ERC1: variants seen among roughly 807,000 people sequenced by gnomAD.
ERC1 encodes RAB6 interacting protein 2.
ERC1 carries 56 observed loss-of-function variants against 132.0 expected under a neutral mutation model. That is an observed-to-expected ratio of 0.42 (90% CI 0.34 to 0.53). The LOEUF (loss-of-function observed/expected upper bound fraction) is 0.53, where lower values mean the gene tolerates loss of function less well. Among genes scored for constraint, ERC1 ranks in the 20% least tolerant of loss-of-function variants. ERC1 has a pLI of 0.03. For synonymous variants in ERC1, 478 were observed against 476.1 expected (o/e 1.00, Z -0.05); for missense variants, 1,202 against 1,349.9 (o/e 0.89, Z 1.72).
chr12:1,440,667 TGA>T (rs1265099110), intron 17 of ERC1, among the ~76,000 whole-genome samples: 40 of 101,798 alleles, frequency 3.9e-4, no homozygotes, highest in African/African-American at 1.4e-3. Context: ...TGTGTGTGTG[TGA>T]TGGAGTCTCA....
rs147778317 is a variant in ERC1, at chr12:1,329,494, C to T, written c.2780+39482C>T. 4.0e-3 allele frequency among the ~76,000 whole-genome samples: 601 copies of T among 151,326 alleles called. 2 individuals carry two copies. The highest frequency in any genetic ancestry group is 0.014 in the African/African-American group (562 of 40,722). On this transcript the variant is annotated intron_variant, in intron 15 of 18. Coordinates refer to ENST00000360905, the MANE Select transcript of ERC1 (RefSeq NM_178040.4). The stretch of plus-strand genomic sequence containing the variant: ...ACAACAATAATAATATATTGTTTTA[C>T]GTTTTCCATGTATATATTCTGAAAG...
intron 1 of ERC1, among the ~76,000 whole-genome samples, chr12:1,000,892 GTATT>G (rs1246005188): frequency 2.0e-5 from 3 of 152,042 alleles, no homozygotes; most frequent in Non-Finnish European, 4.4e-5. Context: ...CATTATTTGT[GTATT>G]TATTTATTTT....
chr12:1,421,042 ATG>A (rs1379907030), intron 17 of ERC1, among the ~76,000 whole-genome samples: 1 of 151,982 alleles, frequency 6.6e-6, no homozygotes, highest in South Asian at 2.1e-4. Flanking sequence ...ATTTTGATAA[ATG>A]TGTATAATGT....
intron 2 of ERC1, among the ~76,000 whole-genome samples, chr12:1,078,975 A>G (rs74863008): frequency 1.9e-4 from 28 of 151,324 alleles, no homozygotes; most frequent in Admixed American, 8.5e-4. Flanking sequence ...TCAATATACA[A>G]AGATACAGAT....
intron 15 of ERC1, among the ~76,000 whole-genome samples, chr12:1,322,039 C>T (rs1008580836): frequency 1.3e-5 from 2 of 151,626 alleles, no homozygotes; most frequent in Admixed American, 6.6e-5. Context: ...CTAATCAAGG[C>T]ATCCTCTGTG....
intron 15 of ERC1, among the ~76,000 whole-genome samples, chr12:1,293,410 G>A (rs1384177011): frequency 8.1e-6 from 1 of 123,436 alleles, no homozygotes; most frequent in Non-Finnish European, 1.8e-5. Flanking sequence ...CTGAGATCGT[G>A]CCACTGCACT....
Position 1,443,228 on chromosome 12 carries a change from CA to C in ERC1, c.3025-1330del, listed in dbSNP as rs1241902244. 3.3e-5 allele frequency: 5 copies of C among 152,066 alleles called. No individual in the cohort carries two copies. The East Asian group carries it at 7.7e-4, about 23-fold the overall frequency. The allele number at this position is 152,066 out of a possible 1,614,324, so 9.4% of individuals were successfully genotyped here. Reference sequence around the variant, plus strand: ...AATTACTTCTTGATGGAAGTGTATGCAAAAGTCTTATTTCCTTTATATTTTT... The same window carrying C: ...AATTACTTCTTGATGGAAGTGTATGCAAAGTCTTATTTCCTTTATATTTTT... On this transcript the variant is annotated intron_variant, in intron 17 of 18. Transcript: ENST00000360905.
intron 12 of ERC1, among the ~76,000 whole-genome samples, chr12:1,205,794 G>C (rs185544115): frequency 9.9e-5 from 15 of 152,178 alleles, no homozygotes; most frequent in African/African-American, 3.6e-4. Flanking sequence ...TTTGCCTTGT[G>C]TTTAGAGAAC....
chr12:1,188,129 AC>A (rs1212596747), intron 11 of ERC1, among the ~76,000 whole-genome samples: 1 of 152,182 alleles, frequency 6.6e-6, no homozygotes, highest in African/African-American at 2.4e-5. Flanking sequence ...GCTGGCCTTC[AC>A]TTTTGTTTAC....
chr12:1,243,243 A>G (rs1275290002), intron 13 of ERC1, among the ~76,000 whole-genome samples: 1 of 152,124 alleles, frequency 6.6e-6, no homozygotes, highest in Non-Finnish European at 1.5e-5. Flanking sequence ...GATTTAAAAT[A>G]TATGCGAAGA....
chr12:1,100,471 A>T (rs1388024484), intron 3 of ERC1, among the ~76,000 whole-genome samples: 1 of 152,142 alleles, frequency 6.6e-6, no homozygotes. Flanking sequence ...CTCTATTGTG[A>T]ATGGTGAGAT....
chr12:1,028,165 A>G lies in ERC1; in HGVS notation c.262A>G (p.Thr88Ala). 2.5e-6 allele frequency: 4 copies of G among 1,614,174 alleles called. No homozygotes were observed. Among genetic ancestry groups the G allele is most frequent in the Non-Finnish European group, 3.4e-6 (4 of 1,180,036 alleles). ...TGTGGGTTCAGAAACACCTAAAAGCACCATGACACTTGGCCGTTCTGGGGG... is the reference window on the plus strand; with the variant it reads ...TGTGGGTTCAGAAACACCTAAAAGCGCCATGACACTTGGCCGTTCTGGGGG... ...ENVGSETPKS[T>A]MTLGRSGGRL... Residue 88 changes from threonine (T) to alanine (A), a missense_variant, in exon 2 of 19, where the codon ACC becomes GCC. Physicochemically the swap from Thr to Ala is moderately conservative, Grantham distance 58 (BLOSUM62 0). Coordinates refer to ENST00000360905, the MANE Select transcript of ERC1 (RefSeq NM_178040.4).
rs141109217 is a variant in ERC1 at position 1,274,069 on chromosome 12, T to C, written c.2619+10904T>C. 2.4e-4 allele frequency among the ~76,000 whole-genome samples: 37 copies of C among 152,348 alleles called. No homozygotes were observed. In the East Asian group the frequency reaches 6.2e-3, roughly 25 times the overall value. ...CTTCCACATTCGTGTGGTAGCATCA[T>C]GTAGATGCTTAAAGTTATGACGTGA... On this transcript the variant is annotated intron_variant, in intron 14 of 18. Transcript: ENST00000360905.
chr12:1,472,603 T>G (rs1397242988), intron 18 of ERC1, among the ~76,000 whole-genome samples: 1 of 147,588 alleles, frequency 6.8e-6, no homozygotes, highest in Non-Finnish European at 1.5e-5. Context: ...TGAGCCGTGA[T>G]CACACCACTG....
chr12:1,290,940 ACTT>A (rs2079407859), intron 15 of ERC1, among the ~76,000 whole-genome samples: 1 of 152,266 alleles, frequency 6.6e-6, no homozygotes, highest in African/African-American at 2.4e-5. Context: ...ACCCTTGCTC[ACTT>A]CTTCTCTGCA....
chr12:1,424,682 C>G (rs2092550452), intron 17 of ERC1, among the ~76,000 whole-genome samples: 1 of 152,042 alleles, frequency 6.6e-6, no homozygotes, highest in South Asian at 2.1e-4. Flanking sequence ...TAGAAGTAAA[C>G]AAACTAAAAA....
chr12:1,043,030 T>C (rs890713808), intron 2 of ERC1, among the ~76,000 whole-genome samples: 2 of 116,122 alleles, frequency 1.7e-5, no homozygotes, highest in African/African-American at 7.3e-5. Flanking sequence ...TTTCTTTCTT[T>C]TTCTTTTCTT....
intron 18 of ERC1, among the ~76,000 whole-genome samples, chr12:1,476,090 C>T (rs555898120): frequency 9.9e-5 from 15 of 151,920 alleles, no homozygotes; most frequent in South Asian, 8.3e-4. Flanking sequence ...AGTGAAACCC[C>T]GTCTCTACTA....
At chr12:1,470,427 TG>T (rs762266280) in intron 18 of ERC1, among the ~76,000 whole-genome samples, 1 of 151,932 alleles carries the variant, frequency 6.6e-6, no homozygotes, top group Non-Finnish European at 1.5e-5. Flanking sequence ...TCTTATTAGT[TG>T]TTTGGGTTTG....
Sources: gnomAD v4.1 joint callset for allele counts (sites outside exome capture counted in the v4.1 genomes callset) on GRCh38, gnomAD v4.1.1 for gene constraint, MANE v1.5 for transcripts, NCBI Gene and HGNC (gene_info 2026-07-23, HGNC 2026-07-21) for gene names.